UBE4B: variants seen among roughly 807,000 people sequenced by gnomAD.
UBE4B encodes the protein ubiquitination factor E4B.
A neutral mutation model predicts 148.1 loss-of-function variants in UBE4B; 27 were observed. The ratio of observed to expected loss-of-function variants is 0.18; its 90% CI spans 0.13 to 0.25. The LOEUF is 0.25. UBE4B is among the 10% of genes least tolerant of loss of function. The pLI is 1.00. For synonymous variants in UBE4B, 596 were observed against 619.3 expected, an observed-to-expected ratio of 0.96 and a Z score of 0.56; for missense variants, 1,170 against 1,662.4, an observed-to-expected ratio of 0.70 and a Z score of 5.15.
In UBE4B at chr1:10,123,189, G is replaced by C. The variant is rs879188589; in HGVS notation, c.1554+1113G>C. The stretch of plus-strand genomic sequence containing the variant: ...CTCACGCCTGTAATCTCAACACTTT[G>C]GGAGGCTGAGGCGGATGGATCGCCT... On this transcript the variant is annotated intron_variant, in intron 10 of 27. Coordinates refer to ENST00000343090, the MANE Select transcript of UBE4B (RefSeq NM_001105562.3). Among the ~76,000 whole-genome samples, 253 of 152,240 alleles carry C rather than the reference G, an allele frequency of 1.7e-3. 1 individual carries two copies. Among genetic ancestry groups the C allele is most frequent in the African/African-American group, 5.9e-3 (244 of 41,552 alleles).
At chr1:10,103,223 C>G in intron 5 of UBE4B, 131 bp downstream of exon 5, 1 of 876,146 alleles carries the variant, frequency 1.1e-6, no homozygotes, top group Non-Finnish European at 1.7e-6. Flanking sequence ...AGGGATACTT[C>G]TTGATGAGGA....
intron 3 of UBE4B, 127 bp downstream of exon 3, chr1:10,095,723 T>G: frequency 1.0e-6 from 1 of 993,966 alleles, no homozygotes; most frequent in Non-Finnish European, 1.5e-6. Context: ...AGCAAATTAG[T>G]GTCAAATGTA....
At chr1:10,076,835 C>T (rs1644592542) in intron 2 of UBE4B, among the ~76,000 whole-genome samples, 1 of 150,374 alleles carries the variant, frequency 6.7e-6, no homozygotes, top group Admixed American at 6.7e-5. Flanking sequence ...TAACCTCCAC[C>T]TTCTGGTTTC....
At chr1:10,101,585 T>G (rs1394884251) in intron 4 of UBE4B, among the ~76,000 whole-genome samples, 1 of 136,706 alleles carries the variant, frequency 7.3e-6, no homozygotes, top group African/African-American at 2.8e-5. Flanking sequence ...CTCGGCTCAC[T>G]GCAAGCTCCG....
At chr1:10,116,694 G>C (rs1026374753) in intron 7 of UBE4B, among the ~76,000 whole-genome samples, 1 of 152,116 alleles carries the variant, frequency 6.6e-6, no homozygotes, top group African/African-American at 2.4e-5. Context: ...TCAGAGGATA[G>C]TTACTACTAA....
rs1334456554 is a variant in UBE4B, at chr1:10,085,693, T to A, written c.212-9768T>A. On this transcript the variant is annotated intron_variant, in intron 2 of 27. Coordinates refer to ENST00000343090, the MANE Select transcript of UBE4B (RefSeq NM_001105562.3). ...CAGTTCTATCATTTTACAGAGAAAC[T>A]GAGGTAGTAAGAACAAGTACAGAGT... Among the ~76,000 whole-genome samples, 4 of 152,208 alleles carry A rather than the reference T, an allele frequency of 2.6e-5. No individual in the cohort carries two copies. In the East Asian group the frequency reaches 7.7e-4, roughly 29 times the overall value.
intron 2 of UBE4B, among the ~76,000 whole-genome samples, chr1:10,076,192 G>A (rs540681093): frequency 2.0e-5 from 3 of 152,082 alleles, no homozygotes; most frequent in African/African-American, 7.2e-5. Flanking sequence ...ATTATCCACC[G>A]AATGTGATTG....
In UBE4B at chr1:10,135,086, C is replaced by A. The variant is rs139427057; in HGVS notation, c.2124C>A (p.Pro708=). 2 of 1,613,984 alleles carry A rather than the reference C, an allele frequency of 1.2e-6. No individual in the cohort carries two copies. The highest frequency in any genetic ancestry group is 1.7e-6 in the Non-Finnish European group (2 of 1,179,996). ...STKIKLETVD[P]TYIFHPRCRI... ...AAATCAAGTTAGAAACAGTTGATCC[C>A]ACGTATATTTTTCACCCAAGATGTC... The change falls in exon 16 of 28, where the codon CCC becomes CCA. Residue 708 remains proline, a synonymous_variant. Transcript: ENST00000343090.
At chr1:10,146,447 G>A (rs1445593662) in intron 18 of UBE4B, among the ~76,000 whole-genome samples, 4 of 152,146 alleles carry the variant, frequency 2.6e-5, no homozygotes, top group African/African-American at 9.7e-5. Flanking sequence ...GCAAGACTCT[G>A]TCTCAAAATA....
chr1:10,044,789 G>A (rs1165813419), intron 1 of UBE4B, among the ~76,000 whole-genome samples: 1 of 140,976 alleles, frequency 7.1e-6, no homozygotes, highest in Non-Finnish European at 1.5e-5. Flanking sequence ...TACTATGTTG[G>A]CCAGGCTGTT....
intron 25 of UBE4B, among the ~76,000 whole-genome samples, chr1:10,172,329 A>G (rs1273735783): frequency 6.6e-6 from 1 of 152,040 alleles, no homozygotes; most frequent in Non-Finnish European, 1.5e-5. Context: ...CATTTCACCC[A>G]CTTTTCGTAT....
intron 2 of UBE4B, among the ~76,000 whole-genome samples, chr1:10,080,981 G>T (rs1404622387): frequency 6.6e-6 from 1 of 152,176 alleles, no homozygotes; most frequent in Admixed American, 6.6e-5. Flanking sequence ...AAAAGCTTTA[G>T]TGATCTATTG....
chr1:10,111,979 T>C (rs1404769222), intron 7 of UBE4B, among the ~76,000 whole-genome samples: 1 of 149,072 alleles, frequency 6.7e-6, no homozygotes, highest in East Asian at 2.0e-4. Flanking sequence ...AGAAAGAAAA[T>C]GCAAATTCCA....
At chr1:10,071,634 G>A (rs1172054453) in intron 1 of UBE4B, among the ~76,000 whole-genome samples, 3 of 152,098 alleles carry the variant, frequency 2.0e-5, no homozygotes, top group African/African-American at 7.2e-5. Context: ...CAGCCAAGGA[G>A]GTGTGATAAA....
At position 10,173,618 on chromosome 1, in the gene UBE4B, C is replaced by A. The variant is rs575414657; in HGVS notation, c.3525+2289C>A. On this transcript the variant is annotated intron_variant, in intron 25 of 27. Coordinates refer to ENST00000343090, the MANE Select transcript of UBE4B (RefSeq NM_001105562.3). The stretch of plus-strand genomic sequence containing the variant: ...TGCAGTGAGGGAAAGAAAAGGGAAG[C>A]ACTTACCCATTGAGGTGGGGTCCAC... Among the ~76,000 whole-genome samples, 152 of 152,250 alleles carry A rather than the reference C, an allele frequency of 1.0e-3. 1 individual carries two copies. Among genetic ancestry groups the A allele is most frequent in the African/African-American group, 3.3e-3 (139 of 41,534 alleles).
At position 10,099,235 on chromosome 1, in the gene UBE4B, CT is replaced by C. The variant is rs571943836; in HGVS notation, c.348-1872del. Reference sequence around the variant, plus strand: ...ACAGCCTGGGTGACAGAGCAAGACTCTGTCTAAAAAAGAAAAAATTATTTAC... The same window carrying C: ...ACAGCCTGGGTGACAGAGCAAGACTCGTCTAAAAAAGAAAAAATTATTTAC... On this transcript the variant is annotated intron_variant, in intron 3 of 27. Coordinates refer to ENST00000343090, the MANE Select transcript of UBE4B (RefSeq NM_001105562.3). 8.9e-3 allele frequency among the ~76,000 whole-genome samples: 1,349 copies of C among 152,112 alleles called. 29 individuals carry two copies. The highest frequency in any genetic ancestry group is 0.031 in the African/African-American group (1,304 of 41,490).
At chr1:10,075,921 G>A (rs1325461323) in intron 2 of UBE4B, among the ~76,000 whole-genome samples, 1 of 152,098 alleles carries the variant, frequency 6.6e-6, no homozygotes, top group Non-Finnish European at 1.5e-5. Flanking sequence ...GTGCACACAT[G>A]TAGTCCCAGT....
At chr1:10,066,212 T>A (rs908350528) in intron 1 of UBE4B, among the ~76,000 whole-genome samples, 15 of 151,824 alleles carry the variant, frequency 9.9e-5, no homozygotes, top group Admixed American at 9.9e-4. Context: ...CATAGCTCGC[T>A]TCAGCCTTGA....
intron 2 of UBE4B, among the ~76,000 whole-genome samples, chr1:10,088,577 T>C (rs1273531303): frequency 6.6e-6 from 1 of 151,980 alleles, no homozygotes; most frequent in African/African-American, 2.4e-5. Flanking sequence ...GGTTTCACCA[T>C]GTTGGCCAGG....
Sources: allele counts gnomAD v4.1 joint callset (sites outside exome capture counted in the v4.1 genomes callset), GRCh38; gene constraint gnomAD v4.1.1; transcripts MANE v1.5; gene names NCBI Gene and HGNC (gene_info 2026-07-23, HGNC 2026-07-21).